KMT2C: variants seen among roughly 807,000 people sequenced by gnomAD.
KMT2C encodes histone-lysine N-methyltransferase 2C.
KMT2C carries 88 observed loss-of-function variants against 507.9 expected under a neutral mutation model. The ratio of observed to expected loss-of-function variants is 0.17; its 90% CI spans 0.15 to 0.21. KMT2C has a LOEUF of 0.21. Among genes scored for constraint, KMT2C ranks in the 10% least tolerant of loss-of-function variants. The pLI, the probability that KMT2C is intolerant of heterozygous loss-of-function variation, is 1.00. For synonymous variants in KMT2C, 2,049 were observed against 2,080.8 expected (o/e 0.98, Z 0.42); for missense variants, 4,954 against 5,957.8 (o/e 0.83, Z 5.55).
rs188548635 is a variant in KMT2C at position 152,355,528 on chromosome 7, C to A, written c.250+3059G>T. The stretch of plus-strand genomic sequence containing the variant: ...GATGAGCGAAGAGAATGAGAAAAAA[C>A]CAGTGAAGGAGTAGGAAAAAACAAA... On this transcript the variant is annotated intron_variant, in intron 2 of 58. Transcript: ENST00000262189. Among the ~76,000 whole-genome samples the A allele has an allele frequency of 5.2e-3, 793 of 151,510 alleles. 7 individuals are homozygous for A. The highest frequency in any genetic ancestry group is 8.5e-3 in the Non-Finnish European group (577 of 67,880).
chr7:152,412,696 T>TAA (rs1220472984), intron 1 of KMT2C, among the ~76,000 whole-genome samples: 1 of 152,136 alleles, frequency 6.6e-6, no homozygotes, highest in Non-Finnish European at 1.5e-5. Flanking sequence ...TAAACTAGCT[T>TAA]AAATGCACAG....
At chr7:152,171,193 C>G in intron 40 of KMT2C, 71 bp downstream of exon 40, 2 of 1,023,434 alleles carry the variant, frequency 2.0e-6, no homozygotes, top group Non-Finnish European at 2.9e-6. Flanking sequence ...AGGGGACTTA[C>G]TCTAAAGCAT....
intron 1 of KMT2C, among the ~76,000 whole-genome samples, chr7:152,399,161 CCTACACCA>C: frequency 6.6e-6 from 1 of 152,234 alleles, no homozygotes; most frequent in Middle Eastern, 3.4e-3. Flanking sequence ...CAAAACACCT[CCTACACCA>C]CTTAAAGCTG....
chr7:152,421,557 G>GCC (rs2097777298), intron 1 of KMT2C, among the ~76,000 whole-genome samples: 1 of 152,158 alleles, frequency 6.6e-6, no homozygotes, highest in Admixed American at 6.6e-5. Context: ...ATACTGTGCA[G>GCC]CCATAAAAAA....
intron 1 of KMT2C, among the ~76,000 whole-genome samples, chr7:152,423,935 A>T (rs2097794508): frequency 6.6e-6 from 1 of 151,922 alleles, no homozygotes; most frequent in Non-Finnish European, 1.5e-5. Context: ...ACCTAACTAT[A>T]GCCCAATCTA....
At chr7:152,190,935 A>G (rs1415291459) in intron 31 of KMT2C, among the ~76,000 whole-genome samples, 1 of 152,184 alleles carries the variant, frequency 6.6e-6, no homozygotes, top group Non-Finnish European at 1.5e-5. Flanking sequence ...TTCATTTCCA[A>G]GATCCTATAC....
chr7:152,208,517 G>A (rs1430912690), intron 23 of KMT2C, among the ~76,000 whole-genome samples: 1 of 152,184 alleles, frequency 6.6e-6, no homozygotes, highest in African/African-American at 2.4e-5. Flanking sequence ...CTTAGTAACA[G>A]ATGTATTGTT....
chr7:152,355,098 T>C (rs944004319), intron 2 of KMT2C, among the ~76,000 whole-genome samples: 1 of 152,174 alleles, frequency 6.6e-6, no homozygotes, highest in Admixed American at 6.5e-5. Flanking sequence ...ACTGGGTAGG[T>C]AAAGCCCTCC....
At chr7:152,285,598 A>T (rs2096282832) in intron 6 of KMT2C, among the ~76,000 whole-genome samples, 1 of 152,260 alleles carries the variant, frequency 6.6e-6, no homozygotes, top group Non-Finnish European at 1.5e-5. Context: ...AACTAATTGA[A>T]GTTACCTGTA....
At chr7:152,358,776 A>G (rs950714850) in intron 1 of KMT2C, 101 bp from the exon 2 acceptor site, 16 of 716,344 alleles carry the variant, frequency 2.2e-5, no homozygotes, top group African/African-American at 3.6e-5. Flanking sequence ...GGTATACAAA[A>G]TAAGTAATTA....
chr7:152,422,806 G>C (rs909508150), intron 1 of KMT2C, among the ~76,000 whole-genome samples: 3 of 151,604 alleles, frequency 2.0e-5, no homozygotes, highest in Non-Finnish European at 4.4e-5. Context: ...GGCAGATCAC[G>C]AGGTCAGGAG....
At chr7:152,381,395 G>A (rs538917596) in intron 1 of KMT2C, among the ~76,000 whole-genome samples, 5 of 152,228 alleles carry the variant, frequency 3.3e-5, no homozygotes, top group Admixed American at 1.3e-4. Flanking sequence ...TATATCTAGC[G>A]GGTGGAGGCC....
At chr7:152,257,886 A>ACACACAC (rs2095688236) in intron 9 of KMT2C, among the ~76,000 whole-genome samples, 60 of 147,888 alleles carry the variant, frequency 4.1e-4, no homozygotes, top group African/African-American at 1.3e-3. Flanking sequence ...CACACACACA[A>ACACACAC]AAAAAACACC....
At chr7:152,276,423 A>T (rs1167797104) in intron 6 of KMT2C, among the ~76,000 whole-genome samples, 2 of 152,222 alleles carry the variant, frequency 1.3e-5, no homozygotes, top group Non-Finnish European at 2.9e-5. Context: ...AGTAACAATT[A>T]CGAAGCTAAT....
In KMT2C at chr7:152,250,978, A is replaced by T; in HGVS notation, c.1622-12T>A. 1 of 1,423,010 alleles carries T rather than the reference A, an allele frequency of 7.0e-7. No homozygotes were observed. The allele number at this position is 1,423,010 out of a possible 1,614,324, so 88.1% of individuals were successfully genotyped here. On this transcript the variant is annotated splice_polypyrimidine_tract_variant and intron_variant, in intron 11 of 58. Coordinates refer to ENST00000262189, the MANE Select transcript of KMT2C (RefSeq NM_170606.3). Reference sequence around the variant, plus strand: ...TTCATTGTTATAATCTTAACAAAAAATTATTAATTCTTTAGCTCAGAATGA... The same window carrying T: ...TTCATTGTTATAATCTTAACAAAAATTTATTAATTCTTTAGCTCAGAATGA...
chr7:152,282,865 A>G (rs1260153178), intron 6 of KMT2C, among the ~76,000 whole-genome samples: 7 of 152,122 alleles, frequency 4.6e-5, no homozygotes, highest in Non-Finnish European at 8.8e-5. Context: ...ATATTTTTAG[A>G]AAAATTAAGT....
At chr7:152,336,357 C>G (rs2096935836) in intron 2 of KMT2C, among the ~76,000 whole-genome samples, 1 of 152,140 alleles carries the variant, frequency 6.6e-6, no homozygotes, top group African/African-American at 2.4e-5. Context: ...GTCTCTCTCT[C>G]TTCTCCTAAT....
In KMT2C at chr7:152,158,905, T is replaced by C. The variant is rs1022871174; in HGVS notation, c.11628A>G (p.Gln3876=). 5.0e-6 allele frequency: 8 copies of C among 1,614,094 alleles called. No homozygotes were observed. In the African/African-American group the frequency reaches 5.3e-5, roughly 11 times the overall value. Residue 3876 remains glutamine (Q), a synonymous_variant, in exon 44 of 59, where the codon CAA becomes CAG. Transcript: ENST00000262189. ...ACGTGTCAGTGCTAGAGTACATAGC[T>C]TGTTTCTCCTCTTCGTCCTTTTTCC... ...KKRKKDEEEK[Q]AMYSSTDTFT...
chr7:152,197,365 C>G, intron 27 of KMT2C, among the ~76,000 whole-genome samples: 1 of 152,108 alleles, frequency 6.6e-6, no homozygotes, highest in African/African-American at 2.4e-5. Context: ...AATTTTTAAT[C>G]CATCTCAAGC....
Sources: gnomAD v4.1 joint callset for allele counts (sites outside exome capture counted in the v4.1 genomes callset) on GRCh38, gnomAD v4.1.1 for gene constraint, MANE v1.5 for transcripts, NCBI Gene and HGNC (gene_info 2026-07-23, HGNC 2026-07-21) for gene names.